Variants in CSRP3 observed in about 807,000 individuals in gnomAD.
The protein encoded by CSRP3 is cysteine and glycine-rich protein 3.
In CSRP3, 24 loss-of-function variants were observed where a neutral mutation model predicts 24.3. The ratio of observed to expected loss-of-function variants is 0.99; its 90% CI spans 0.71 to 1.39. The LOEUF (loss-of-function observed/expected upper bound fraction) is 1.39, where lower values mean the gene tolerates loss of function less well. CSRP3 is among the 40% of genes most tolerant of loss of function. The pLI, the probability that CSRP3 is intolerant of heterozygous loss-of-function variation, is 0.00. For missense variants in CSRP3, 240 were observed against 249.0 expected (o/e 0.96, Z 0.24); for synonymous variants, 105 against 94.0 (o/e 1.12, Z -0.68).
chr11:19,188,243 G>A lies in CSRP3; in HGVS notation c.174C>T (p.Cys58=), dbSNP rs1057520959. ...TVAAHESEIY[C]KVCYGRRYGP... is the part of the protein sequence containing the mutation. Reference sequence around the variant, plus strand: ...CATATCTGCGCCCATAGCACACCTTGCAGTAGATCTCCGACTCATGAGCCG... The same window carrying A: ...CATATCTGCGCCCATAGCACACCTTACAGTAGATCTCCGACTCATGAGCCG... The change falls in exon 3 of 6, where the codon TGC becomes TGT. Residue 58 remains cysteine, a synonymous_variant. Transcript: ENST00000265968. 6.2e-7 allele frequency: 1 copy of A among 1,613,390 alleles called. No individual in the cohort carries two copies. Among genetic ancestry groups the A allele is most frequent in the South Asian group, 1.1e-5 (1 of 91,036 alleles).
At chr11:19,185,320 G>T (rs1022765499) in intron 4 of CSRP3, among the ~76,000 whole-genome samples, 1 of 152,224 alleles carries the variant, frequency 6.6e-6, no homozygotes, top group East Asian at 1.9e-4. Context: ...AGGCCAAAAA[G>T]ATCCAAGGAA....
Position 19,186,311 on chromosome 11 carries a change from G to A in CSRP3, c.319C>T (p.Pro107Ser). ...KPARSVTTSN[P>S]SKFTAKFGES... Reference sequence around the variant, plus strand: ...CCAAACTTCGCAGTGAATTTGGAAGGGTTGCTGGTGGTAACTGAGCGTGCC... The same window carrying A: ...CCAAACTTCGCAGTGAATTTGGAAGAGTTGCTGGTGGTAACTGAGCGTGCC... The change falls in exon 4 of 6, where the codon CCT becomes TCT. Residue 107 changes from proline (P) to serine (S), a missense_variant. Physicochemically the swap from Pro to Ser is moderately conservative, Grantham distance 74. Coordinates refer to ENST00000265968, the MANE Select transcript of CSRP3 (RefSeq NM_003476.5). 1.2e-6 allele frequency: 2 copies of A among 1,614,224 alleles called. No individual in the cohort carries two copies. The highest frequency in any genetic ancestry group is 1.7e-6 in the Non-Finnish European group (2 of 1,180,044).
intron 4 of CSRP3, 150 bp from the exon 5 acceptor site, chr11:19,185,195 G>T: frequency 1.4e-6 from 1 of 711,000 alleles, no homozygotes; most frequent in Non-Finnish European, 2.6e-6. Context: ...GGGGTTTGGA[G>T]AAAATGAGAT....
intron 1 of CSRP3, among the ~76,000 whole-genome samples, chr11:19,199,378 C>A (rs1461547028): frequency 1.3e-5 from 2 of 152,146 alleles, no homozygotes; most frequent in African/African-American, 2.4e-5. Context: ...TGGCTCTCAG[C>A]CCCTTTTAAA....
chr11:19,188,281 T>C lies in CSRP3; in HGVS notation c.136A>G (p.Ser46Gly). 6 of 1,612,634 alleles carry C rather than the reference T, an allele frequency of 3.7e-6. No individual in the cohort carries two copies. Among genetic ancestry groups the C allele is most frequent in the Non-Finnish European group, 5.1e-6 (6 of 1,180,032 alleles). The change falls in exon 3 of 6, where the codon AGC becomes GGC. Residue 46 changes from serine (S) to glycine (G), a missense_variant. Physicochemically the swap from Ser to Gly is moderately conservative, Grantham distance 56 (BLOSUM62 0). Transcript: ENST00000265968. ...HCMACRKALD[S>G]TTVAAHESEI... is the part of the protein sequence containing the mutation. ...GACTCATGAGCCGCGACTGTCGTGCTGTCAAGAGCCTTCCTGCAGGCCACT... is the reference window on the plus strand; with the variant it reads ...GACTCATGAGCCGCGACTGTCGTGCCGTCAAGAGCCTTCCTGCAGGCCACT...
chr11:19,192,312 C>A (rs774314682), intron 2 of CSRP3, 25 bp downstream of exon 2: 1 of 1,561,884 alleles, frequency 6.4e-7, no homozygotes. Context: ...TGCTGAGGGG[C>A]CCCCAGGGTG....
intron 1 of CSRP3, among the ~76,000 whole-genome samples, chr11:19,195,979 T>C (rs1387657777): frequency 1.3e-5 from 2 of 152,188 alleles, no homozygotes; most frequent in Non-Finnish European, 2.9e-5. Context: ...TAAAGCATCC[T>C]GAATCCAGGC....
At chr11:19,183,987 G>T (rs1235710999) in intron 5 of CSRP3, among the ~76,000 whole-genome samples, 2 of 152,130 alleles carry the variant, frequency 1.3e-5, no homozygotes, top group African/African-American at 4.8e-5. Context: ...GTGTGACTTT[G>T]CTCCTCCTTT....
Position 19,182,579 on chromosome 11 carries a change from G to A in CSRP3, c.*91C>T. 1 of 1,047,634 alleles carries A rather than the reference G, an allele frequency of 9.5e-7. No individual in the cohort carries two copies. The highest frequency in any genetic ancestry group is 1.6e-5 in the African/African-American group (1 of 63,930). 64.9% of individuals were successfully genotyped at this position (1,047,634 alleles called of 1,614,324 possible). A position where few individuals can be genotyped will look rare whatever the true frequency, so the allele number is the denominator to read the frequency against. On this transcript the variant is annotated 3_prime_UTR_variant, in exon 6 of 6. Coordinates refer to ENST00000265968, the MANE Select transcript of CSRP3 (RefSeq NM_003476.5). ...AAACACATAATGTACGACTACAAAG[G>A]AGAGGCTATTTGGGGAAAGGTATCG...
intron 1 of CSRP3, among the ~76,000 whole-genome samples, chr11:19,193,656 G>C (rs1850650988): frequency 6.6e-6 from 1 of 152,048 alleles, no homozygotes. Context: ...ACCGTGCCCG[G>C]CCTAAACAAA....
At chr11:19,188,013 T>C (rs970543294) in intron 3 of CSRP3, 123 bp downstream of exon 3, 2 of 1,132,842 alleles carry the variant, frequency 1.8e-6, no homozygotes, top group East Asian at 2.3e-5. Context: ...GTATTCCTAT[T>C]GTTGGCAAGT....
chr11:19,192,609 C>T (rs1379227786), intron 1 of CSRP3, 133 bp from the exon 2 acceptor site: 12 of 690,720 alleles, frequency 1.7e-5, no homozygotes, highest in Non-Finnish European at 2.6e-5. Context: ...ATTCATTTAG[C>T]AAACAGCTAC....
chr11:19,200,875 C>A (rs1850827305), intron 1 of CSRP3, among the ~76,000 whole-genome samples: 1 of 152,202 alleles, frequency 6.6e-6, no homozygotes, highest in Non-Finnish European at 1.5e-5. Flanking sequence ...CCCTTCCCTG[C>A]ATAGAGCTGC....
intron 1 of CSRP3, among the ~76,000 whole-genome samples, chr11:19,198,314 C>A (rs565431358): frequency 8.5e-5 from 13 of 152,302 alleles, no homozygotes; most frequent in African/African-American, 3.1e-4. Flanking sequence ...AGGGTCAGCA[C>A]CTCCATCACC....
rs543917322 is a variant in CSRP3, at chr11:19,191,515, A to T, written c.112+822T>A. Among the ~76,000 whole-genome samples, 11 of 152,306 alleles carry T rather than the reference A, an allele frequency of 7.2e-5. No individual in the cohort carries two copies. The South Asian group carries it at 2.3e-3, about 32-fold the overall frequency. ...TAAAACCAAGGCCAATTTTCTCCCAAACAGGACTAGCTGCCAGGAAACAGT... is the reference window on the plus strand; with the variant it reads ...TAAAACCAAGGCCAATTTTCTCCCATACAGGACTAGCTGCCAGGAAACAGT... On this transcript the variant is annotated intron_variant, in intron 2 of 5. Transcript: ENST00000265968.
At chr11:19,193,224 A>T (rs764384168) in intron 1 of CSRP3, among the ~76,000 whole-genome samples, 1 of 152,190 alleles carries the variant, frequency 6.6e-6, no homozygotes, top group Non-Finnish European at 1.5e-5. Context: ...TGCTGTTCAT[A>T]TCAGGATGAA....
intron 2 of CSRP3, among the ~76,000 whole-genome samples, chr11:19,188,545 G>A (rs1405047984): frequency 2.6e-5 from 4 of 151,834 alleles, no homozygotes; most frequent in Non-Finnish European, 5.9e-5. Context: ...GCTAGCATTA[G>A]AACGAGATAT....
chr11:19,189,585 C>G (rs1850584348), intron 2 of CSRP3, among the ~76,000 whole-genome samples: 3 of 152,108 alleles, frequency 2.0e-5, no homozygotes, highest in African/African-American at 7.2e-5. Context: ...ATGCCTTCTT[C>G]AAATGATATT....
intron 3 of CSRP3, among the ~76,000 whole-genome samples, chr11:19,186,551 G>A (rs1302145087): frequency 1.3e-5 from 2 of 152,204 alleles, no homozygotes; most frequent in East Asian, 1.9e-4. Flanking sequence ...AACAGTGCCC[G>A]CCTGGCATGT....
Sources: allele counts gnomAD v4.1 joint callset (sites outside exome capture counted in the v4.1 genomes callset), GRCh38; gene constraint gnomAD v4.1.1; transcripts MANE v1.5; gene names NCBI Gene and HGNC (gene_info 2026-07-23, HGNC 2026-07-21).